The following OSBPL3 variants were observed in gnomAD, a reference collection of about 807,000 sequenced individuals.
The protein encoded by OSBPL3 is oxysterol-binding protein-related protein 3.
A neutral mutation model predicts 120.1 loss-of-function variants in OSBPL3; 65 were observed. The observed-to-expected ratio is 0.54, with a 90% confidence interval of 0.44 to 0.67. OSBPL3 has a LOEUF of 0.67. Among genes scored for constraint, OSBPL3 ranks in the 30% least tolerant of loss-of-function variants. The pLI is 0.00. For missense variants in OSBPL3, 1,004 were observed against 1,082.1 expected (o/e 0.93, Z 1.01); for synonymous variants, 416 against 402.6 (o/e 1.03, Z -0.40).
rs1791829823 is a variant in OSBPL3, at chr7:24,797,384, C to T, written c.*2799G>A. 1 of 152,208 alleles carries T rather than the reference C, an allele frequency of 6.6e-6. No individual in the cohort carries two copies. Among genetic ancestry groups the T allele is most frequent in the Non-Finnish European group, 1.5e-5 (1 of 68,048 alleles). The allele number at this position is 152,208 out of a possible 1,614,324, so 9.4% of individuals were successfully genotyped here. A position where few individuals can be genotyped will look rare whatever the true frequency, so the allele number is the denominator to read the frequency against. ...GACACCTGTGCGGCTGTTTGGGCAT[C>T]CTGGGTACTTCTTGCCCTCAGGTGA... is the stretch of plus-strand genomic sequence containing the variant. On this transcript the variant is annotated 3_prime_UTR_variant, in exon 23 of 23. Coordinates refer to ENST00000313367, the MANE Select transcript of OSBPL3 (RefSeq NM_015550.4). The surrounding 1 kb of genome is among the most constrained non-coding windows in gnomAD (Gnocchi z 4.8).
rs1171556077 is a variant in OSBPL3 at position 24,872,745 on chromosome 7, A to G, written c.97-676T>C. ...CTTTCTTTGGCCAATTATTACAAAT[A>G]GTTGTTACAACTAATCTTCCACTAT... On this transcript the variant is annotated intron_variant, in intron 2 of 22. Transcript: ENST00000313367. The surrounding 1 kb of genome is among the most constrained non-coding windows in gnomAD (Gnocchi z 4.1). Among the ~76,000 whole-genome samples the G allele has an allele frequency of 6.6e-6, 1 of 152,164 alleles. No individual in the cohort carries two copies. The highest frequency in any genetic ancestry group is 1.5e-5 in the Non-Finnish European group (1 of 68,038).
intron 10 of OSBPL3, among the ~76,000 whole-genome samples, chr7:24,857,372 A>T (rs1002524555): frequency 2.0e-5 from 3 of 152,168 alleles, no homozygotes; most frequent in Non-Finnish European, 4.4e-5. Flanking sequence ...TTGCTTTGCC[A>T]TCCTAAATCT....
In OSBPL3 at chr7:24,872,110, T is replaced by A. The variant is rs1802206217; in HGVS notation, c.97-41A>T. 2.3e-6 allele frequency: 3 copies of A among 1,317,098 alleles called. No individual in the cohort carries two copies. Among genetic ancestry groups the A allele is most frequent in the East Asian group, 4.6e-5 (2 of 43,488 alleles). The allele number at this position is 1,317,098 out of a possible 1,614,324, so 81.6% of individuals were successfully genotyped here. ...AGTTCATGTTAAATGTCTATCTTTT[T>A]GAAAAATAATAATGGTAAAAAGCAC... On this transcript the variant is annotated intron_variant, in intron 2 of 22. Coordinates refer to ENST00000313367, the MANE Select transcript of OSBPL3 (RefSeq NM_015550.4). The surrounding 1 kb of genome is among the most constrained non-coding windows in gnomAD (Gnocchi z 4.1).
rs1269512637 is a variant in OSBPL3 at position 24,980,021 on chromosome 7, C to T, written c.-285G>A. On this transcript the variant is annotated 5_prime_UTR_variant, in exon 1 of 23. Coordinates refer to ENST00000313367, the MANE Select transcript of OSBPL3 (RefSeq NM_015550.4). ...TGCAGCTGACAGCTCCCGCACCGGCCGCAGGAGTCGGGGGCGGGGATGGCC... is the reference window on the plus strand; with the variant it reads ...TGCAGCTGACAGCTCCCGCACCGGCTGCAGGAGTCGGGGGCGGGGATGGCC... 1.0e-5 allele frequency: 10 copies of T among 985,382 alleles called. No individual in the cohort carries two copies. The South Asian group carries it at 3.3e-4, about 32-fold the overall frequency. The allele number at this position is 985,382 out of a possible 1,614,324, so 61.0% of individuals were successfully genotyped here.
intron 12 of OSBPL3, among the ~76,000 whole-genome samples, chr7:24,845,248 G>C (rs1798261272): frequency 2.6e-5 from 4 of 151,344 alleles, no homozygotes; most frequent in Admixed American, 2.0e-4. Flanking sequence ...TTTTCATTAG[G>C]CTGAATAGTT....
intron 10 of OSBPL3, among the ~76,000 whole-genome samples, chr7:24,857,166 G>A (rs912874953): frequency 6.6e-6 from 1 of 152,134 alleles, no homozygotes; most frequent in African/African-American, 2.4e-5. Flanking sequence ...ACTCAACATA[G>A]GGAAAGAATC....
At chr7:24,927,896 G>T (rs1811261644) in intron 1 of OSBPL3, among the ~76,000 whole-genome samples, 1 of 152,116 alleles carries the variant, frequency 6.6e-6, no homozygotes, top group African/African-American at 2.4e-5. Context: ...TACGGTTTGG[G>T]TCTGTGTCCC....
At chr7:24,944,183 AATAAG>A (rs1367134689) in intron 1 of OSBPL3, among the ~76,000 whole-genome samples, 1 of 152,196 alleles carries the variant, frequency 6.6e-6, no homozygotes, top group Non-Finnish European at 1.5e-5. Context: ...CATATTCTAA[AATAAG>A]ATGTCTGGTT....
Position 24,939,387 on chromosome 7 carries a change from A to G in OSBPL3, c.-150+40499T>C, listed in dbSNP as rs1311836428. On this transcript the variant is annotated intron_variant, in intron 1 of 22. Coordinates refer to ENST00000313367, the MANE Select transcript of OSBPL3 (RefSeq NM_015550.4). The surrounding 1 kb of genome is among the most constrained non-coding windows in gnomAD (Gnocchi z 4.2). The stretch of plus-strand genomic sequence containing the variant: ...TGGGCTCCTCCCCAACCCCAGCTGT[A>G]AATCCTGACAATTCTAAACCTATCA... 6.6e-6 allele frequency among the ~76,000 whole-genome samples: 1 copy of G among 152,232 alleles called. No homozygotes were observed. The highest frequency in any genetic ancestry group is 1.5e-5 in the Non-Finnish European group (1 of 68,036).
rs1812004664 is a variant in OSBPL3 at position 24,933,234 on chromosome 7, T to C, written c.-149-40613A>G. The stretch of plus-strand genomic sequence containing the variant: ...CACGTGTTCAAAGGAGAAAAGATCA[T>C]GAGTACCACCTGCAAACTCCCAAAA... On this transcript the variant is annotated intron_variant, in intron 1 of 22. Transcript: ENST00000313367. This position sits in a 1 kb window ranked among gnomAD's most constrained non-coding sequence, Gnocchi z 5.1. Among the ~76,000 whole-genome samples the C allele has an allele frequency of 6.6e-6, 1 of 152,188 alleles. No homozygotes were observed.
At chr7:24,979,465 C>A (rs1283110288) in intron 1 of OSBPL3, among the ~76,000 whole-genome samples, 2 of 152,170 alleles carry the variant, frequency 1.3e-5, no homozygotes, top group Non-Finnish European at 2.9e-5. Context: ...TCCGGCGCGC[C>A]CCATCCCGCG....
chr7:24,965,420 T>C lies in OSBPL3; in HGVS notation c.-150+14466A>G, dbSNP rs1349148331. ...GGTTATTTTGTTGTGAGAAGAAACA[T>C]ATATTAAAGTGATTTACAAATGTGG... is the stretch of plus-strand genomic sequence containing the variant. On this transcript the variant is annotated intron_variant, in intron 1 of 22. Coordinates refer to ENST00000313367, the MANE Select transcript of OSBPL3 (RefSeq NM_015550.4). This position sits in a 1 kb window ranked among gnomAD's most constrained non-coding sequence, Gnocchi z 4.3. Among the ~76,000 whole-genome samples, 1 of 152,174 alleles carries C rather than the reference T, an allele frequency of 6.6e-6. No homozygotes were observed. The highest frequency in any genetic ancestry group is 6.5e-5 in the Admixed American group (1 of 15,276).
chr7:24,840,860 A>G, intron 13 of OSBPL3, 77 bp from the exon 14 acceptor site: 2 of 669,600 alleles, frequency 3.0e-6, no homozygotes, highest in Admixed American at 6.1e-5. Context: ...CTTACTCTAA[A>G]TGATCAAACA....
At chr7:24,945,704 T>C (rs1303859545) in intron 1 of OSBPL3, among the ~76,000 whole-genome samples, 2 of 152,210 alleles carry the variant, frequency 1.3e-5, no homozygotes, top group Non-Finnish European at 2.9e-5. Context: ...TTGCAACTCA[T>C]TTTATAGCTT....
At chr7:24,920,832 C>T (rs1209078479) in intron 1 of OSBPL3, among the ~76,000 whole-genome samples, 1 of 152,130 alleles carries the variant, frequency 6.6e-6, no homozygotes, top group Admixed American at 6.6e-5. Context: ...AAGAATTAAA[C>T]AGCAAAAGTC....
At chr7:24,848,910 C>A (rs1798769244) in intron 12 of OSBPL3, among the ~76,000 whole-genome samples, 159 bp downstream of exon 12, 1 of 152,178 alleles carries the variant, frequency 6.6e-6, no homozygotes. Flanking sequence ...AGCCCGAGAC[C>A]CCAGTCCATG....
At chr7:24,865,799 A>G (rs1366791797) in intron 6 of OSBPL3, among the ~76,000 whole-genome samples, 1 of 152,230 alleles carries the variant, frequency 6.6e-6, no homozygotes, top group Non-Finnish European at 1.5e-5. Context: ...AAAGGAAACC[A>G]AACTCAAACC....
intron 1 of OSBPL3, among the ~76,000 whole-genome samples, chr7:24,909,783 C>CTTTTTTTT (rs10591188): frequency 1.4e-4 from 11 of 77,282 alleles, no homozygotes; most frequent in East Asian, 5.0e-4. Flanking sequence ...TTTTTTCTTT[C>CTTTTTTTT]TTTTTTTTTT....
At position 24,933,584 on chromosome 7, in the gene OSBPL3, A is replaced by G. The variant is rs946175121; in HGVS notation, c.-149-40963T>C. On this transcript the variant is annotated intron_variant, in intron 1 of 22. Transcript: ENST00000313367. This position sits in a 1 kb window ranked among gnomAD's most constrained non-coding sequence, Gnocchi z 5.1. ...ACCATGCAAAACACTTAAATCATTA[A>G]TATTTCCGATTATGCTTCCATTCCC... 4.6e-5 allele frequency among the ~76,000 whole-genome samples: 7 copies of G among 152,348 alleles called. No individual in the cohort carries two copies. Among genetic ancestry groups the G allele is most frequent in the African/African-American group, 1.7e-4 (7 of 41,578 alleles).
Sources: allele counts gnomAD v4.1 joint callset (sites outside exome capture counted in the v4.1 genomes callset), GRCh38; gene constraint gnomAD v4.1.1; non-coding constraint Gnocchi (gnomAD v3.1); transcripts MANE v1.5; gene names NCBI Gene and HGNC (gene_info 2026-07-23, HGNC 2026-07-21).